Variants in IL6R observed in about 807,000 individuals in gnomAD.
The protein encoded by IL6R is interleukin 6 receptor.
A neutral mutation model predicts 48.3 loss-of-function variants in IL6R; 38 were observed. The observed-to-expected ratio is 0.79, with a 90% CI of 0.61 to 1.03. The LOEUF (loss-of-function observed/expected upper bound fraction) is 1.03. IL6R is among the 50% of genes least tolerant of loss of function. IL6R has a pLI of 0.00. For missense variants in IL6R, 534 were observed against 618.3 expected (o/e 0.86, Z 1.45); for synonymous variants, 264 against 256.2 (o/e 1.03, Z -0.29).
Position 154,465,463 on chromosome 1 carries a change from G to A in IL6R, c.*83G>A, listed in dbSNP as rs1018729231. On this transcript the variant is annotated 3_prime_UTR_variant, in exon 10 of 10. Coordinates refer to ENST00000368485, the MANE Select transcript of IL6R (RefSeq NM_000565.4). ...AGCAAAAGATGCTTCTCACTGCCAT[G>A]CCAGCTTATCTCAGGGGTGTGCGGC... is the stretch of plus-strand genomic sequence containing the variant. 3.4e-5 allele frequency: 51 copies of A among 1,512,532 alleles called. No homozygotes were observed. In the Admixed American group the frequency reaches 6.4e-4, roughly 19 times the overall value. The allele number at this position is 1,512,532 out of a possible 1,614,324, so 93.7% of individuals were successfully genotyped here.
chr1:154,468,062 GC>G lies in IL6R; in HGVS notation c.*2683del, dbSNP rs1158731048. The G allele has an allele frequency of 6.6e-6, 1 of 151,882 alleles. No homozygotes were observed. Among genetic ancestry groups the G allele is most frequent in the African/African-American group, 2.4e-5 (1 of 41,172 alleles). The allele number at this position is 151,882 out of a possible 1,614,324, so 9.4% of individuals were successfully genotyped here. A position where few individuals can be genotyped will look rare whatever the true frequency, so the allele number is the denominator to read the frequency against. On this transcript the variant is annotated 3_prime_UTR_variant, in exon 10 of 10. Transcript: ENST00000368485. ...CTTTCATTTTTATTGTAATGGAATT[GC>G]TTTGTTTTGTTTTTTTGTTTTTGTA...
intron 6 of IL6R, among the ~76,000 whole-genome samples, chr1:154,440,106 T>G (rs1378279099): frequency 6.6e-6 from 1 of 152,234 alleles, no homozygotes; most frequent in Non-Finnish European, 1.5e-5. Context: ...TTTCACCATG[T>G]TGCCCAGGCT....
Position 154,405,440 on chromosome 1 carries a change from G to C in IL6R, c.-190G>C, listed in dbSNP as rs1015213069. ...GAGCCGGGCCAGAGGGAGAGGAGCC[G>C]AGCGCGGCGCGGGGCCGAGGGACTC... is the stretch of plus-strand genomic sequence containing the variant. On this transcript the variant is annotated 5_prime_UTR_variant, in exon 1 of 10. Transcript: ENST00000368485. The surrounding 1 kb of genome is among the most constrained non-coding windows in gnomAD (Gnocchi z 5.2). 1.8e-6 allele frequency: 1 copy of C among 548,220 alleles called. No homozygotes were observed. Among genetic ancestry groups the C allele is most frequent in the Admixed American group, 3.9e-5 (1 of 25,494 alleles). The allele number at this position is 548,220 out of a possible 1,614,324, so 34.0% of individuals were successfully genotyped here.
intron 1 of IL6R, among the ~76,000 whole-genome samples, chr1:154,428,778 C>T (rs1420019886): frequency 1.3e-5 from 2 of 151,892 alleles, no homozygotes; most frequent in Non-Finnish European, 2.9e-5. Context: ...GAGGAGTTGT[C>T]GTGGGGATGA....
chr1:154,436,405 G>A (rs1689632759), intron 6 of IL6R, among the ~76,000 whole-genome samples: 1 of 152,226 alleles, frequency 6.6e-6, no homozygotes, highest in Non-Finnish European at 1.5e-5. Context: ...TTGAACCCAG[G>A]AGGCGGAGGT....
chr1:154,432,389 G>T (rs1314463047), intron 3 of IL6R, among the ~76,000 whole-genome samples: 17 of 143,136 alleles, frequency 1.2e-4, no homozygotes, highest in Non-Finnish European at 1.0e-4. Flanking sequence ...ATGGAGTTTC[G>T]CTCTGTCGCC....
intron 1 of IL6R, among the ~76,000 whole-genome samples, chr1:154,421,309 A>G (rs1447533299): frequency 6.6e-6 from 1 of 152,172 alleles, no homozygotes; most frequent in Non-Finnish European, 1.5e-5. Context: ...TTGAGCCTGC[A>G]CATACTTTTG....
chr1:154,418,419 A>G, intron 1 of IL6R: 1 of 984,802 alleles, frequency 1.0e-6, no homozygotes, highest in African/African-American at 1.7e-5. Flanking sequence ...GGATGGGAGG[A>G]AGGCAAGGCC....
rs1440479333 is a variant in IL6R at position 154,447,460 on chromosome 1, T to A, written c.950-665T>A. Among the ~76,000 whole-genome samples the A allele has an allele frequency of 3.6e-3, 284 of 78,236 alleles. 11 individuals are homozygous for A. Among genetic ancestry groups the A allele is most frequent in the South Asian group, 0.011 (35 of 3,086 alleles). 51.3% of individuals were successfully genotyped at this position (78,236 alleles called of 152,430 possible). On this transcript the variant is annotated intron_variant, in intron 6 of 9. Coordinates refer to ENST00000368485, the MANE Select transcript of IL6R (RefSeq NM_000565.4). Reference sequence around the variant, plus strand: ...TCTCAAAAAAAAAAAAAAAAATATATATATATATATATATATACACACACA... The same window carrying A: ...TCTCAAAAAAAAAAAAAAAAATATAAATATATATATATATATACACACACA...
intron 1 of IL6R, among the ~76,000 whole-genome samples, chr1:154,416,534 T>G (rs1213239393): frequency 1.3e-5 from 2 of 152,036 alleles, no homozygotes; most frequent in African/African-American, 4.8e-5. Context: ...GGGCTTATGA[T>G]GAGGGAGGAG....
At chr1:154,417,619 G>T (rs1688425833) in intron 1 of IL6R, among the ~76,000 whole-genome samples, 1 of 152,088 alleles carries the variant, frequency 6.6e-6, no homozygotes, top group South Asian at 2.1e-4. Context: ...GCCCAGGGTG[G>T]AGTGCAGTGG....
At chr1:154,438,820 C>T (rs953223245) in intron 6 of IL6R, among the ~76,000 whole-genome samples, 5 of 152,094 alleles carry the variant, frequency 3.3e-5, no homozygotes, top group Admixed American at 6.6e-5. Flanking sequence ...TATGAAGTGC[C>T]GGCTTCCATC....
At chr1:154,407,190 T>C (rs1687776086) in intron 1 of IL6R, among the ~76,000 whole-genome samples, 1 of 151,970 alleles carries the variant, frequency 6.6e-6, no homozygotes. Flanking sequence ...CATGGTGGTG[T>C]TAGAGGGATG....
chr1:154,454,495 T>G lies in IL6R; in HGVS notation c.1074T>G (p.Asp358Glu), dbSNP rs1322273955. The G allele has an allele frequency of 6.2e-7, 1 of 1,610,654 alleles. No individual in the cohort carries two copies. ...ATTTTTTTTTTAACCTAGTGCAAGA[T>G]TCTTCTTCAGTACCACTGCCCACAT... is the stretch of plus-strand genomic sequence containing the variant. ...SANATSLPVQ[D>E]SSSVPLPTFL... is the part of the protein sequence containing the mutation. Residue 358 changes from aspartate (D) to glutamate (E), a missense_variant, in exon 9 of 10, where the codon GAT becomes GAG. Asp to Glu is a conservative substitution (Grantham distance 45). Coordinates refer to ENST00000368485, the MANE Select transcript of IL6R (RefSeq NM_000565.4).
intron 9 of IL6R, among the ~76,000 whole-genome samples, chr1:154,460,569 T>C (rs762391995): frequency 1.3e-5 from 2 of 152,160 alleles, no homozygotes; most frequent in Non-Finnish European, 2.9e-5. Context: ...GAAAAAAATA[T>C]ATGTCATCCA....
intron 1 of IL6R, among the ~76,000 whole-genome samples, chr1:154,416,991 C>T (rs1205977214): frequency 6.6e-6 from 1 of 152,154 alleles, no homozygotes; most frequent in Non-Finnish European, 1.5e-5. Context: ...CTTCTTAAAT[C>T]TTCAGCTTTG....
chr1:154,448,302 T>C (rs7529229), intron 7 of IL6R, 131 bp downstream of exon 7: 295,933 of 708,300 alleles, frequency 0.42, 65,063 homozygotes, highest in African/African-American at 0.64. Context: ...GTGAGTTACC[T>C]GTGCTTTTCA....
At chr1:154,413,081 A>C (rs1369331137) in intron 1 of IL6R, among the ~76,000 whole-genome samples, 1 of 150,680 alleles carries the variant, frequency 6.6e-6, no homozygotes, top group Non-Finnish European at 1.5e-5. Flanking sequence ...GGCTCACTGC[A>C]ACCTCTGCCT....
chr1:154,458,900 C>CAAA lies in IL6R; in HGVS notation c.1160+4331_1160+4333dup, dbSNP rs757806352. The stretch of plus-strand genomic sequence containing the variant: ...TGGGCAGCAGAAGGAGACTCCATCT[C>CAAA]AAAAAAAAAAAAAAGATGAAGAAGA... On this transcript the variant is annotated intron_variant, in intron 9 of 9. Coordinates refer to ENST00000368485, the MANE Select transcript of IL6R (RefSeq NM_000565.4). Among the ~76,000 whole-genome samples the CAAA allele has an allele frequency of 1.1e-3, 135 of 123,978 alleles. No homozygotes were observed. The East Asian group carries it at 0.011, about 10-fold the overall frequency. The allele number at this position is 123,978 out of a possible 152,430, so 81.3% of individuals were successfully genotyped here.
Sources: allele counts gnomAD v4.1 joint callset (sites outside exome capture counted in the v4.1 genomes callset), GRCh38; gene constraint gnomAD v4.1.1; non-coding constraint Gnocchi (gnomAD v3.1); transcripts MANE v1.5; gene names NCBI Gene and HGNC (gene_info 2026-07-23, HGNC 2026-07-21).